The following SLC44A5 variants were observed in gnomAD, a reference collection of about 807,000 sequenced individuals.
SLC44A5 encodes the protein solute carrier family 44 member 5, also known as choline transporter-like protein 5.
SLC44A5 carries 57 observed loss-of-function variants against 101.8 expected under a neutral mutation model. That is an observed-to-expected ratio of 0.56 (90% CI 0.45 to 0.70). The LOEUF (loss-of-function observed/expected upper bound fraction) is 0.70, where lower values mean the gene tolerates loss of function less well. SLC44A5 is among the 30% of genes least tolerant of loss of function. The pLI, the probability that SLC44A5 is intolerant of heterozygous loss-of-function variation, is 0.00. For synonymous variants in SLC44A5, 281 were observed against 290.9 expected, an observed-to-expected ratio of 0.97 and a Z score of 0.35; for missense variants, 737 against 853.1, an observed-to-expected ratio of 0.86 and a Z score of 1.70.
At chr1:75,361,848 T>C (rs549830623) in intron 3 of SLC44A5, among the ~76,000 whole-genome samples, 2 of 152,232 alleles carry the variant, frequency 1.3e-5, no homozygotes, top group African/African-American at 2.4e-5. Flanking sequence ...ATCAGGTTAA[T>C]GCTGGCCTTG....
At chr1:75,315,508 A>AG (rs1384577603) in intron 4 of SLC44A5, among the ~76,000 whole-genome samples, 1 of 152,102 alleles carries the variant, frequency 6.6e-6, no homozygotes, top group Non-Finnish European at 1.5e-5. Context: ...CTGGTCTTCT[A>AG]GAAAAACCCT....
At chr1:75,610,368 A>G (rs1675585700) in intron 1 of SLC44A5, among the ~76,000 whole-genome samples, 1 of 152,086 alleles carries the variant, frequency 6.6e-6, no homozygotes, top group Non-Finnish European at 1.5e-5. Context: ...GTGCAGTTAT[A>G]CTTATGTATC....
chr1:75,542,255 A>G (rs141802313), intron 1 of SLC44A5, among the ~76,000 whole-genome samples: 53 of 152,218 alleles, frequency 3.5e-4, no homozygotes, highest in African/African-American at 1.3e-3. Context: ...TCTACCATTA[A>G]TATGTTAATG....
At chr1:75,223,260 A>T (rs1430483455) in intron 13 of SLC44A5, among the ~76,000 whole-genome samples, 1 of 152,110 alleles carries the variant, frequency 6.6e-6, no homozygotes, top group Non-Finnish European at 1.5e-5. Flanking sequence ...TTTGAGTTTG[A>T]CGAGGCACTT....
At chr1:75,645,935 T>C in the SLC44A5 span, among the ~76,000 whole-genome samples, 2 of 134,874 alleles carry the variant, frequency 1.5e-5, 1 homozygote, top group Non-Finnish European at 3.3e-5. Flanking sequence ...AAAGATCAGA[T>C]AGTTGTAGAT....
At chr1:75,601,861 G>C (rs1675004123) in intron 1 of SLC44A5, among the ~76,000 whole-genome samples, 1 of 152,038 alleles carries the variant, frequency 6.6e-6, no homozygotes, top group Non-Finnish European at 1.5e-5. Flanking sequence ...GACAATGACA[G>C]TTCTCAAAAT....
intron 17 of SLC44A5, 79 bp from the exon 18 acceptor site, chr1:75,218,039 G>C (rs1646999187): frequency 1.1e-6 from 1 of 948,890 alleles, no homozygotes; most frequent in Non-Finnish European, 1.6e-6. Flanking sequence ...ATTTTCACAA[G>C]TAAAAGGTAT....
intron 5 of SLC44A5, among the ~76,000 whole-genome samples, chr1:75,278,968 T>C (rs1051673527): frequency 6.6e-6 from 1 of 152,254 alleles, no homozygotes; most frequent in Non-Finnish European, 1.5e-5. Context: ...ACACATGATG[T>C]TTTGATACAT....
the SLC44A5 span, among the ~76,000 whole-genome samples, chr1:75,622,503 A>C: frequency 4.1e-3 from 617 of 151,806 alleles, 9 homozygotes; most frequent in African/African-American, 0.014. Flanking sequence ...AAACCCCCCC[A>C]AAAAAAATAA....
At chr1:75,454,814 A>G (rs945145621) in intron 2 of SLC44A5, among the ~76,000 whole-genome samples, 1 of 152,064 alleles carries the variant, frequency 6.6e-6, no homozygotes, top group Non-Finnish European at 1.5e-5. Context: ...ATATTTAGAA[A>G]TGCATCCAAC....
At chr1:75,358,025 C>A in intron 3 of SLC44A5, among the ~76,000 whole-genome samples, 1 of 152,022 alleles carries the variant, frequency 6.6e-6, no homozygotes, top group East Asian at 1.9e-4. Flanking sequence ...CACACACACA[C>A]ACATACAATA....
the SLC44A5 span, among the ~76,000 whole-genome samples, chr1:75,619,747 A>C: frequency 6.6e-6 from 1 of 152,162 alleles, no homozygotes; most frequent in African/African-American, 2.4e-5. Flanking sequence ...TGTCCCTAGA[A>C]TTAGAGATTA....
At chr1:75,602,851 C>G (rs1002469683) in intron 1 of SLC44A5, among the ~76,000 whole-genome samples, 1 of 151,926 alleles carries the variant, frequency 6.6e-6, no homozygotes, top group Non-Finnish European at 1.5e-5. Flanking sequence ...TAAACTTGTA[C>G]GTACAAATGT....
chr1:75,375,099 C>A (rs1660490052), intron 3 of SLC44A5, among the ~76,000 whole-genome samples: 1 of 152,102 alleles, frequency 6.6e-6, no homozygotes, highest in Non-Finnish European at 1.5e-5. Flanking sequence ...AAAACCCAAT[C>A]CAAGAAAACT....
At chr1:75,489,169 A>G (rs1489078951) in intron 2 of SLC44A5, among the ~76,000 whole-genome samples, 10 of 152,172 alleles carry the variant, frequency 6.6e-5, no homozygotes, top group African/African-American at 2.2e-4. Flanking sequence ...TCTCCAATCC[A>G]AAATAAAAGT....
In SLC44A5 at chr1:75,515,158, A is replaced by G. The variant is rs140299492; in HGVS notation, c.13+26277T>C. Among the ~76,000 whole-genome samples, 559 of 152,258 alleles carry G rather than the reference A, an allele frequency of 3.7e-3. 5 individuals are homozygous for G. The highest frequency in any genetic ancestry group is 0.013 in the African/African-American group (531 of 41,552). ...TAAATGTTTATTTTATTGTAAATTG[A>G]CAACTTATAATTGTATAAATTTATG... On this transcript the variant is annotated intron_variant, in intron 2 of 23. Transcript: ENST00000370859.
At chr1:75,387,874 T>C (rs1174284053) in intron 3 of SLC44A5, among the ~76,000 whole-genome samples, 4 of 141,346 alleles carry the variant, frequency 2.8e-5, no homozygotes, top group Non-Finnish European at 4.6e-5. Flanking sequence ...TGGAATACTA[T>C]GCAGCCATAA....
chr1:75,579,502 G>T (rs1290457103), intron 1 of SLC44A5, among the ~76,000 whole-genome samples: 1 of 151,358 alleles, frequency 6.6e-6, no homozygotes, highest in Non-Finnish European at 1.5e-5. Flanking sequence ...TAAGTTATAG[G>T]TCCCTAAGCA....
chr1:75,267,575 A>T (rs1472548278), intron 6 of SLC44A5, among the ~76,000 whole-genome samples: 1 of 152,062 alleles, frequency 6.6e-6, no homozygotes, highest in Non-Finnish European at 1.5e-5. Context: ...AATTCAAACA[A>T]GGTCTGGCTC....
Sources: gnomAD v4.1 joint callset for allele counts (sites outside exome capture counted in the v4.1 genomes callset) on GRCh38, gnomAD v4.1.1 for gene constraint, MANE v1.5 for transcripts, NCBI Gene and HGNC (gene_info 2026-07-23, HGNC 2026-07-21) for gene names.